The following CACNA2D2 variants were observed in gnomAD, a reference collection of about 807,000 sequenced individuals.
CACNA2D2 encodes the protein voltage-dependent calcium channel subunit alpha-2/delta-2.
Under a neutral mutation model 166.4 loss-of-function variants are expected in CACNA2D2, and 48 were observed. The ratio of observed to expected loss-of-function variants is 0.29; its 90% CI spans 0.23 to 0.37. CACNA2D2 has a LOEUF of 0.37. Ranked by LOEUF, CACNA2D2 falls within the 10% of genes least tolerant of loss-of-function variation. CACNA2D2 has a pLI of 1.00. For missense variants in CACNA2D2, 1,122 were observed against 1,433.0 expected (o/e 0.78, Z 3.50); for synonymous variants, 561 against 573.7 (o/e 0.98, Z 0.32).
At chr3:50,434,246 T>C in intron 3 of CACNA2D2, 67 bp downstream of exon 3, 1 of 1,090,966 alleles carries the variant, frequency 9.2e-7, no homozygotes, top group Middle Eastern at 2.5e-4. Flanking sequence ...ACTGCCCTCA[T>C]GGTACAGGAC....
intron 1 of CACNA2D2, among the ~76,000 whole-genome samples, chr3:50,498,470 T>C (rs1335644412): frequency 6.6e-6 from 1 of 152,008 alleles, no homozygotes; most frequent in Non-Finnish European, 1.5e-5. Flanking sequence ...GAGAAGGAAA[T>C]GGCATCTCAT....
In CACNA2D2 at chr3:50,380,672, GGGGA is replaced by G; in HGVS notation, c.842+72_842+75del. On this transcript the variant is annotated intron_variant, in intron 8 of 37. Transcript: ENST00000424201. The surrounding 1 kb of genome is among the most constrained non-coding windows in gnomAD (Gnocchi z 4.9). ...GCGCCCTGCTAGGAGGCTTGGAAAT[GGGGA>G]GGGAGGGGAGCAGGCAGGAAAGGTG... 8.4e-7 allele frequency: 1 copy of G among 1,196,498 alleles called. No individual in the cohort carries two copies. Among genetic ancestry groups the G allele is most frequent in the Non-Finnish European group, 1.1e-6 (1 of 873,094 alleles). The allele number at this position is 1,196,498 out of a possible 1,614,324, so 74.1% of individuals were successfully genotyped here.
intron 1 of CACNA2D2, among the ~76,000 whole-genome samples, chr3:50,502,224 G>T (rs1286565207): frequency 6.6e-6 from 1 of 152,160 alleles, no homozygotes; most frequent in Non-Finnish European, 1.5e-5. Flanking sequence ...CAGTCTCCAG[G>T]CCAGGACACT....
intron 2 of CACNA2D2, among the ~76,000 whole-genome samples, chr3:50,451,181 A>G (rs1437899768): frequency 6.6e-6 from 1 of 151,864 alleles, no homozygotes; most frequent in Non-Finnish European, 1.5e-5. Context: ...GCTGGAGTGC[A>G]ATGGCGCGAT....
Position 50,435,356 on chromosome 3 carries a change from C to G in CACNA2D2, c.289-927G>C, listed in dbSNP as rs1708267608. Among the ~76,000 whole-genome samples, 10 of 152,014 alleles carry G rather than the reference C, an allele frequency of 6.6e-5. 1 individual carries two copies. In the South Asian group the frequency reaches 2.1e-3, roughly 32 times the overall value. ...ATGCATCACATACTGCTGCATGTGT[C>G]TCCAAGCCTGACTGGGTCCATGTGT... On this transcript the variant is annotated intron_variant, in intron 2 of 37. Transcript: ENST00000424201.
rs1575582657 is a variant in CACNA2D2, at chr3:50,366,258, G to T, written c.2709+9C>A. 1 of 1,614,054 alleles carries T rather than the reference G, an allele frequency of 6.2e-7. No individual in the cohort carries two copies. Among genetic ancestry groups the T allele is most frequent in the Non-Finnish European group, 8.5e-7 (1 of 1,179,972 alleles). ...TACTCTCTTCTTTCACTCTCTTCCT[G>T]ATCCTCACCTGGTCCCACTGATGGT... On this transcript the variant is annotated intron_variant, in intron 31 of 37. Coordinates refer to ENST00000424201, the MANE Select transcript of CACNA2D2 (RefSeq NM_006030.4). This position sits in a 1 kb window ranked among gnomAD's most constrained non-coding sequence, Gnocchi z 5.9.
intron 3 of CACNA2D2, among the ~76,000 whole-genome samples, chr3:50,431,980 C>CAAAAAAAA (rs57712165): frequency 1.4e-4 from 13 of 92,228 alleles, no homozygotes; most frequent in African/African-American, 4.8e-4. Flanking sequence ...GTGTCTGTCT[C>CAAAAAAAA]AAAAAAAAAA....
chr3:50,424,044 G>C (rs1212372157), intron 3 of CACNA2D2, among the ~76,000 whole-genome samples: 1 of 152,266 alleles, frequency 6.6e-6, no homozygotes, highest in Admixed American at 6.5e-5. Context: ...TCTGATGACA[G>C]ATCTGTGCGG....
rs1479987791 is a variant in CACNA2D2 at position 50,380,598 on chromosome 3, A to G, written c.842+150T>C. 3 of 670,290 alleles carry G rather than the reference A, an allele frequency of 4.5e-6. No homozygotes were observed. Among genetic ancestry groups the G allele is most frequent in the Non-Finnish European group, 7.4e-6 (3 of 404,976 alleles). 41.5% of individuals were successfully genotyped at this position (670,290 alleles called of 1,614,324 possible). On this transcript the variant is annotated intron_variant, in intron 8 of 37. Coordinates refer to ENST00000424201, the MANE Select transcript of CACNA2D2 (RefSeq NM_006030.4). This position sits in a 1 kb window ranked among gnomAD's most constrained non-coding sequence, Gnocchi z 4.9. ...GAGGCCTGCCTGGGTGATGGGATCC[A>G]TTTTCCAGTGGCAACCATGTGTGAA...
rs533625350 is a variant in CACNA2D2 at position 50,397,730 on chromosome 3, C to A, written c.406-3562G>T. On this transcript the variant is annotated intron_variant, in intron 3 of 37. Coordinates refer to ENST00000424201, the MANE Select transcript of CACNA2D2 (RefSeq NM_006030.4). ...TCACTGGCTCTTGCCCAGCTCTGGGCCCTGCTGCTATCTGCTCTTTCTGCC... is the reference window on the plus strand; with the variant it reads ...TCACTGGCTCTTGCCCAGCTCTGGGACCTGCTGCTATCTGCTCTTTCTGCC... 1.1e-4 allele frequency among the ~76,000 whole-genome samples: 17 copies of A among 152,332 alleles called. No homozygotes were observed. In the South Asian group the frequency reaches 3.5e-3, roughly 32 times the overall value.
chr3:50,490,451 C>T (rs1165055472), intron 1 of CACNA2D2, among the ~76,000 whole-genome samples: 3 of 152,184 alleles, frequency 2.0e-5, no homozygotes, highest in South Asian at 4.1e-4. Flanking sequence ...CCTCCCACCC[C>T]ATTAAATAAT....
chr3:50,382,726 G>A (rs1705382869), intron 6 of CACNA2D2, among the ~76,000 whole-genome samples: 1 of 152,166 alleles, frequency 6.6e-6, no homozygotes, highest in Non-Finnish European at 1.5e-5. Flanking sequence ...TTTGCCCTGA[G>A]AGAGTCTGCC....
At chr3:50,434,232 G>C in intron 3 of CACNA2D2, 81 bp downstream of exon 3, 1 of 963,218 alleles carries the variant, frequency 1.0e-6, no homozygotes. Context: ...TGAAGGCTCA[G>C]GACACTGCCC....
In CACNA2D2 at chr3:50,367,670, C is replaced by T. The variant is rs906863087; in HGVS notation, c.2269G>A (p.Gly757Ser). The T allele has an allele frequency of 2.5e-5, 40 of 1,611,848 alleles. No homozygotes were observed. Among genetic ancestry groups the T allele is most frequent in the Non-Finnish European group, 3.4e-5 (40 of 1,178,594 alleles). Residue 757 changes from glycine to serine, a missense_variant, in exon 26 of 38, where the codon GGT (glycine) becomes AGT (serine). By Grantham distance (56) the Gly-to-Ser change is moderately conservative. This residue lies in a region of CACNA2D2 where 840 missense variants were observed against 1,166.8 expected (regional missense o/e 0.72). Transcript: ENST00000424201. The surrounding 1 kb of genome is among the most constrained non-coding windows in gnomAD (Gnocchi z 6.5). ...TTGGGGAAGACTCGGGTGATGCCAC[C>T]GTCTGTGGCAGCGAACACGGCCAGT... ...SLLAVFAATD[G>S]GITRVFPNKA...
At chr3:50,453,691 G>A (rs556460962) in intron 2 of CACNA2D2, among the ~76,000 whole-genome samples, 16 of 152,154 alleles carry the variant, frequency 1.1e-4, no homozygotes, top group South Asian at 2.1e-4. Context: ...CCATCCTCAC[G>A]ACTTCTGGCA....
chr3:50,405,376 G>C (rs1210989267), intron 3 of CACNA2D2, among the ~76,000 whole-genome samples: 1 of 136,656 alleles, frequency 7.3e-6, no homozygotes, highest in African/African-American at 2.7e-5. Context: ...GAGGGGGGTG[G>C]GGGCGAGCCC....
chr3:50,421,708 C>A (rs1240489188), intron 3 of CACNA2D2, among the ~76,000 whole-genome samples: 1 of 152,136 alleles, frequency 6.6e-6, no homozygotes, highest in Non-Finnish European at 1.5e-5. Flanking sequence ...GGCCACGAGG[C>A]CTCCAGCACC....
intron 1 of CACNA2D2, among the ~76,000 whole-genome samples, chr3:50,482,344 C>G (rs953599243): frequency 6.6e-6 from 1 of 152,202 alleles, no homozygotes; most frequent in African/African-American, 2.4e-5. Flanking sequence ...GGTGGATGTC[C>G]CTCTATACCT....
At position 50,379,395 on chromosome 3, in the gene CACNA2D2, T is replaced by TC. The variant is rs751825339; in HGVS notation, c.1152+36dup. The TC allele has an allele frequency of 3.7e-6, 6 of 1,606,910 alleles. No individual in the cohort carries two copies. The African/African-American group carries it at 6.7e-5, about 18-fold the overall frequency. On this transcript the variant is annotated intron_variant, in intron 11 of 37. Transcript: ENST00000424201. This position sits in a 1 kb window ranked among gnomAD's most constrained non-coding sequence, Gnocchi z 6.5. Reference sequence around the variant, plus strand: ...GGTACACCAAGCCAGGGCCCTCTACTCCCCCAGCCGCCCACTTGCCCACCC... The same window carrying TC: ...GGTACACCAAGCCAGGGCCCTCTACTCCCCCCAGCCGCCCACTTGCCCACCC...
Sources: allele counts gnomAD v4.1 joint callset (sites outside exome capture counted in the v4.1 genomes callset), GRCh38; gene constraint gnomAD v4.1.1; regional missense constraint gnomAD v4.1.1; non-coding constraint Gnocchi (gnomAD v3.1); transcripts MANE v1.5; gene names NCBI Gene and HGNC (gene_info 2026-07-23, HGNC 2026-07-21).